The following METTL16 variants were observed in gnomAD, a reference collection of about 807,000 sequenced individuals.
METTL16 encodes the protein RNA N(6)-adenosine-methyltransferase METTL16.
In METTL16, 19 loss-of-function variants were observed where a neutral mutation model predicts 57.9. That is an observed-to-expected ratio of 0.33 (90% confidence interval 0.23 to 0.48). The LOEUF (loss-of-function observed/expected upper bound fraction) is 0.48. METTL16 is among the 20% of genes least tolerant of loss of function. The pLI, the probability that METTL16 is intolerant of heterozygous loss-of-function variation, is 0.99. For synonymous variants in METTL16, 246 were observed against 255.6 expected (o/e 0.96, Z 0.36); for missense variants, 434 against 691.5 (o/e 0.63, Z 4.18).
At chr17:2,451,511 C>T (rs1226989304) in intron 6 of METTL16, among the ~76,000 whole-genome samples, 11 of 151,562 alleles carry the variant, frequency 7.3e-5, no homozygotes, top group Non-Finnish European at 1.6e-4. Flanking sequence ...GTTCCAGGTA[C>T]GCAGGAGGCT....
intron 2 of METTL16, among the ~76,000 whole-genome samples, chr17:2,498,228 A>G (rs1342557572): frequency 6.7e-6 from 1 of 148,658 alleles, no homozygotes; most frequent in Non-Finnish European, 1.5e-5. Context: ...CCTGCCCATC[A>G]TAGTGAAACC....
At chr17:2,457,772 A>G (rs1248440160) in intron 6 of METTL16, among the ~76,000 whole-genome samples, 1 of 152,156 alleles carries the variant, frequency 6.6e-6, no homozygotes, top group East Asian at 1.9e-4. Context: ...ATTATGTCAA[A>G]TATGTATTCA....
rs200337496 is a variant in METTL16, at chr17:2,477,756, A to G, written c.258T>C (p.Ile86=). The change falls in exon 3 of 10, where the codon ATT becomes ATC. Residue 86 remains isoleucine (I), a synonymous_variant. Coordinates refer to ENST00000263092, the MANE Select transcript of METTL16 (RefSeq NM_024086.4). The stretch of plus-strand genomic sequence containing the variant: ...GACCGATCAGATCTTCTACCCAGTG[A>G]ATATAGTTGAGTCTCAAGGGAACTG... ...IPTVPLRLNY[I]HWVEDLIGHQ... 1.4e-4 allele frequency: 226 copies of G among 1,614,050 alleles called. No individual in the cohort carries two copies. The African/African-American group carries it at 2.6e-3, about 19-fold the overall frequency.
At position 2,506,687 on chromosome 17, in the gene METTL16, C is replaced by A. The variant is rs543133579; in HGVS notation, c.1-4356G>T. Among the ~76,000 whole-genome samples, 210 of 152,278 alleles carry A rather than the reference C, an allele frequency of 1.4e-3. 1 individual carries two copies. Among genetic ancestry groups the A allele is most frequent in the African/African-American group, 4.9e-3 (205 of 41,576 alleles). On this transcript the variant is annotated intron_variant, in intron 1 of 9. Coordinates refer to ENST00000263092, the MANE Select transcript of METTL16 (RefSeq NM_024086.4). The stretch of plus-strand genomic sequence containing the variant: ...TTGGCCCCGCAAAGTGCCGAGATTG[C>A]AGCCTCTGCCCAGCCGCCACCCCGT...
chr17:2,502,825 T>C (rs2067499491), intron 1 of METTL16, among the ~76,000 whole-genome samples: 1 of 152,040 alleles, frequency 6.6e-6, no homozygotes, highest in Non-Finnish European at 1.5e-5. Flanking sequence ...GAAGAGATGG[T>C]GAACATCATT....
chr17:2,461,200 AC>A (rs2067147687), intron 6 of METTL16, among the ~76,000 whole-genome samples: 1 of 152,138 alleles, frequency 6.6e-6, no homozygotes, highest in Non-Finnish European at 1.5e-5. Flanking sequence ...TAAAAAAAAT[AC>A]AAAAACTTAG....
intron 1 of METTL16, among the ~76,000 whole-genome samples, chr17:2,509,323 A>T (rs1241025179): frequency 6.6e-6 from 1 of 152,188 alleles, no homozygotes; most frequent in Non-Finnish European, 1.5e-5. Context: ...TCACACTATG[A>T]CTAAAAATGA....
chr17:2,491,197 C>T (rs1001960236), intron 2 of METTL16, among the ~76,000 whole-genome samples: 3 of 152,176 alleles, frequency 2.0e-5, no homozygotes, highest in African/African-American at 7.2e-5. Flanking sequence ...GGCCCAGGAA[C>T]TAAAATTAGC....
intron 5 of METTL16, among the ~76,000 whole-genome samples, chr17:2,467,448 TAG>T (rs1334431257): frequency 6.6e-6 from 1 of 152,186 alleles, no homozygotes; most frequent in Non-Finnish European, 1.5e-5. Context: ...CTTTTTGAGA[TAG>T]AGTCTTGCCC....
chr17:2,448,224 C>A (rs1416182689), intron 6 of METTL16, among the ~76,000 whole-genome samples: 1 of 147,384 alleles, frequency 6.8e-6, no homozygotes, highest in Admixed American at 6.8e-5. Context: ...TGCCCGGCCA[C>A]GACCCCGTCT....
At chr17:2,468,565 T>C (rs184143828) in intron 4 of METTL16, among the ~76,000 whole-genome samples, 4 of 152,308 alleles carry the variant, frequency 2.6e-5, no homozygotes, top group Non-Finnish European at 2.9e-5. Flanking sequence ...CCATAGGAAC[T>C]AGGAGATAAA....
Position 2,464,282 on chromosome 17 carries a change from G to A in METTL16, c.654C>T (p.Ile218=). 6.2e-7 allele frequency: 1 copy of A among 1,613,986 alleles called. No homozygotes were observed. The highest frequency in any genetic ancestry group is 8.5e-7 in the Non-Finnish European group (1 of 1,179,946). ...ACTCTAATTCACCTCCTTCTGCCAT[G>A]ATCTCTGTGATGCCTCCTGTATTAA... ...SSVNTGGITE[I]MAEGGELEFV... is the part of the protein sequence containing the mutation. Residue 218 remains isoleucine, a synonymous_variant, in exon 6 of 10, where the codon ATC becomes ATT. Transcript: ENST00000263092.
chr17:2,441,691 G>A, intron 6 of METTL16, 132 bp from the exon 7 acceptor site: 2 of 474,328 alleles, frequency 4.2e-6, no homozygotes, highest in Admixed American at 4.2e-5. Context: ...AAAAATATCA[G>A]GAATTACATA....
chr17:2,421,022 G>A (rs2066761705), intron 8 of METTL16, 118 bp from the exon 9 acceptor site: 4 of 1,134,284 alleles, frequency 3.5e-6, no homozygotes, highest in Non-Finnish European at 5.1e-6. Context: ...ATAGAGCACT[G>A]AAAACACAAA....
chr17:2,446,266 C>G (rs1230671487), intron 6 of METTL16, among the ~76,000 whole-genome samples: 1 of 152,164 alleles, frequency 6.6e-6, no homozygotes, highest in Non-Finnish European at 1.5e-5. Flanking sequence ...TTCACCACTT[C>G]TATTCAAAAT....
chr17:2,474,088 A>T (rs551883214), intron 3 of METTL16, among the ~76,000 whole-genome samples: 2 of 152,226 alleles, frequency 1.3e-5, no homozygotes, highest in South Asian at 4.1e-4. Context: ...TGTGTTGTAT[A>T]AAAAATGAAG....
At chr17:2,468,921 G>C (rs975765560) in intron 4 of METTL16, among the ~76,000 whole-genome samples, 14 of 150,944 alleles carry the variant, frequency 9.3e-5, no homozygotes, top group Non-Finnish European at 1.9e-4. Context: ...GTTGTTGTGT[G>C]TGTGTGTTTT....
chr17:2,469,611 G>A (rs1448964505), intron 4 of METTL16, among the ~76,000 whole-genome samples: 1 of 152,140 alleles, frequency 6.6e-6, no homozygotes, highest in East Asian at 1.9e-4. Flanking sequence ...TGCAACCTCT[G>A]CCTCCTGGGT....
At chr17:2,464,106 G>C (rs1341266961) in intron 6 of METTL16, 102 bp downstream of exon 6, 1 of 1,260,818 alleles carries the variant, frequency 7.9e-7, no homozygotes, top group African/African-American at 1.5e-5. Flanking sequence ...CTGGCAACAA[G>C]AGCAAGACTC....
Sources: allele counts gnomAD v4.1 joint callset (sites outside exome capture counted in the v4.1 genomes callset), GRCh38; gene constraint gnomAD v4.1.1; transcripts MANE v1.5; gene names NCBI Gene and HGNC (gene_info 2026-07-23, HGNC 2026-07-21).